The following CNBD1 variants were observed in gnomAD, a reference collection of about 807,000 sequenced individuals.
The protein encoded by CNBD1 is cyclic nucleotide binding domain containing 1, also known as cyclic nucleotide-binding domain-containing protein 1.
In CNBD1, 71 loss-of-function variants were observed where a neutral mutation model predicts 54.4. That is an observed-to-expected ratio of 1.30 (90% confidence interval 1.08 to 1.59). The LOEUF is 1.59. Among genes scored for constraint, CNBD1 ranks in the 40% most tolerant of loss-of-function variants. CNBD1 has a pLI of 0.00. For missense variants in CNBD1, 659 were observed against 518.0 expected (o/e 1.27, Z -2.64); for synonymous variants, 182 against 170.7 (o/e 1.07, Z -0.51).
rs116381061 is a variant in CNBD1 at position 87,414,931 on chromosome 8, C to T, written c.214-13615C>T. Among the ~76,000 whole-genome samples the T allele has an allele frequency of 3.2e-3, 485 of 152,104 alleles. 2 individuals are homozygous for T. The highest frequency in any genetic ancestry group is 0.011 in the African/African-American group (452 of 41,528). ...TTCCTTAAATGACTTACAGGTCTGA[C>T]CTGGAACTGTTATTCCCCTCAGCCC... On this transcript the variant is annotated intron_variant, in intron 2 of 7. Coordinates refer to the CNBD1 transcript ENST00000521593.
chr8:86,961,787 C>A (rs1173353326), intron 4 of CNBD1, among the ~76,000 whole-genome samples: 1 of 152,216 alleles, frequency 6.6e-6, no homozygotes, highest in South Asian at 2.1e-4. Flanking sequence ...GGCATTGCAG[C>A]TTTATTTTTC....
chr8:87,422,236 C>G, intron 2 of CNBD1, among the ~76,000 whole-genome samples: 1 of 146,190 alleles, frequency 6.8e-6, no homozygotes, highest in East Asian at 2.0e-4. Flanking sequence ...CCTGTTCACT[C>G]TGATGGTAGT....
chr8:87,398,974 T>C (rs1184389778), intron 2 of CNBD1, among the ~76,000 whole-genome samples: 1 of 152,056 alleles, frequency 6.6e-6, no homozygotes, highest in Non-Finnish European at 1.5e-5. Context: ...AGATTGTTAT[T>C]CTTCACTGCT....
At chr8:86,923,960 A>G (rs745788775) in intron 3 of CNBD1, among the ~76,000 whole-genome samples, 2 of 152,182 alleles carry the variant, frequency 1.3e-5, no homozygotes, top group Non-Finnish European at 2.9e-5. Context: ...GCATGACCAT[A>G]TGCAATGAAG....
intron 4 of CNBD1, among the ~76,000 whole-genome samples, chr8:87,064,981 C>T (rs1810619423): frequency 6.6e-6 from 1 of 151,916 alleles, no homozygotes; most frequent in Non-Finnish European, 1.5e-5. Flanking sequence ...CATCAATTGT[C>T]TCTCCATATT....
At chr8:87,425,141 G>T (rs555335898) in intron 2 of CNBD1, among the ~76,000 whole-genome samples, 2 of 151,784 alleles carry the variant, frequency 1.3e-5, no homozygotes, top group Non-Finnish European at 2.9e-5. Context: ...CATTCTTCAC[G>T]TAGTTCTCGG....
chr8:87,196,098 C>G (rs1312017863), intron 4 of CNBD1, among the ~76,000 whole-genome samples: 1 of 152,158 alleles, frequency 6.6e-6, no homozygotes, highest in African/African-American at 2.4e-5. Flanking sequence ...CTTTTGAACA[C>G]TTATACTCCC....
intron 8 of CNBD1, among the ~76,000 whole-genome samples, chr8:87,297,588 T>C (rs1216591452): frequency 6.6e-6 from 1 of 152,198 alleles, no homozygotes; most frequent in East Asian, 1.9e-4. Context: ...AAAAAGTGGC[T>C]AGAGCTAAGA....
rs11414234 is a variant in CNBD1 at position 87,298,488 on chromosome 8, CT to C, written c.1042+11831del. On this transcript the variant is annotated intron_variant, in intron 8 of 10. Coordinates refer to ENST00000518476, the MANE Select transcript of CNBD1 (RefSeq NM_173538.3). ...ATGTGCCTTGGTTTCTTTTTTCCCT[CT>C]TTTTTTTTTTTTTGAGATGGAGCCT... Among the ~76,000 whole-genome samples the C allele has an allele frequency of 2.9e-3, 400 of 139,734 alleles. 1 individual carries two copies. The highest frequency in any genetic ancestry group is 5.6e-3 in the African/African-American group (210 of 37,526). The allele number at this position is 139,734 out of a possible 152,430, so 91.7% of individuals were successfully genotyped here. A position where few individuals can be genotyped will look rare whatever the true frequency, so the allele number is the denominator to read the frequency against.
At chr8:86,937,190 G>T (rs984170010) in intron 3 of CNBD1, among the ~76,000 whole-genome samples, 2 of 152,170 alleles carry the variant, frequency 1.3e-5, no homozygotes, top group African/African-American at 4.8e-5. Flanking sequence ...CAGAACTTGT[G>T]TAGGAGAACT....
chr8:87,206,258 A>G, intron 5 of CNBD1, 120 bp downstream of exon 5: 1 of 766,384 alleles, frequency 1.3e-6, no homozygotes, highest in Non-Finnish European at 1.9e-6. Context: ...GTAAAAATGT[A>G]CTATTTGGGT....
intron 4 of CNBD1, among the ~76,000 whole-genome samples, chr8:87,006,462 A>G (rs1030330902): frequency 6.6e-6 from 1 of 152,194 alleles, no homozygotes; most frequent in African/African-American, 2.4e-5. Flanking sequence ...ATTGGCTTAT[A>G]GTTCTGCAGG....
chr8:87,330,296 G>C (rs571329530), intron 8 of CNBD1, among the ~76,000 whole-genome samples: 5 of 146,566 alleles, frequency 3.4e-5, no homozygotes, highest in African/African-American at 1.3e-4. Context: ...TTGGAAACCA[G>C]GTTTTGGTTT....
chr8:87,405,209 G>A (rs1040053684), intron 2 of CNBD1, among the ~76,000 whole-genome samples: 2 of 152,018 alleles, frequency 1.3e-5, no homozygotes, highest in African/African-American at 4.8e-5. Context: ...AGAGATTTGA[G>A]TGTAATTCCA....
chr8:87,422,537 T>G (rs1807958991), intron 2 of CNBD1, among the ~76,000 whole-genome samples: 1 of 152,094 alleles, frequency 6.6e-6, no homozygotes, highest in Non-Finnish European at 1.5e-5. Context: ...GGGAATCCTT[T>G]CCCCATTGCT....
At chr8:86,979,426 AAAGGC>A in intron 4 of CNBD1, among the ~76,000 whole-genome samples, 9 of 145,992 alleles carry the variant, frequency 6.2e-5, no homozygotes, top group Non-Finnish European at 9.0e-5. Flanking sequence ...AAAAAAAAAA[AAAGGC>A]AAAAACAATT....
At chr8:86,930,671 G>C (rs1666171570) in intron 3 of CNBD1, among the ~76,000 whole-genome samples, 1 of 152,154 alleles carries the variant, frequency 6.6e-6, no homozygotes, top group Admixed American at 6.5e-5. Context: ...TATAGAGGTT[G>C]GTTACAGCTG....
chr8:87,399,537 G>A (rs1349868152), intron 2 of CNBD1, among the ~76,000 whole-genome samples: 1 of 152,052 alleles, frequency 6.6e-6, no homozygotes, highest in East Asian at 1.9e-4. Context: ...TACAGTCTGA[G>A]TTATCCTGGA....
intron 4 of CNBD1, among the ~76,000 whole-genome samples, chr8:86,956,180 A>G (rs1214600346): frequency 1.3e-5 from 2 of 151,960 alleles, no homozygotes; most frequent in African/African-American, 2.4e-5. Flanking sequence ...GTTCTGTTCC[A>G]TTGATCTATA....
Sources: gnomAD v4.1 joint callset for allele counts (sites outside exome capture counted in the v4.1 genomes callset) on GRCh38, gnomAD v4.1.1 for gene constraint, MANE v1.5 for transcripts, NCBI Gene and HGNC (gene_info 2026-07-23, HGNC 2026-07-21) for gene names.